PAK1: variants seen among roughly 807,000 people sequenced by gnomAD.
The protein encoded by PAK1 is serine/threonine-protein kinase PAK 1.
Under a neutral mutation model 67.4 loss-of-function variants are expected in PAK1, and 29 were observed. The observed-to-expected ratio is 0.43, with a 90% CI of 0.32 to 0.59. PAK1 has a LOEUF of 0.59. PAK1 is among the 20% of genes least tolerant of loss of function. The pLI is 0.07. For synonymous variants in PAK1, 223 were observed against 237.4 expected, an observed-to-expected ratio of 0.94 and a Z score of 0.56; for missense variants, 337 against 670.7, an observed-to-expected ratio of 0.50 and a Z score of 5.50.
intron 1 of PAK1, among the ~76,000 whole-genome samples, chr11:77,420,481 G>A (rs1205190937): frequency 1.3e-5 from 2 of 152,084 alleles, no homozygotes; most frequent in East Asian, 3.9e-4. Flanking sequence ...TCCTCCTTCA[G>A]GTGTTTCCTC....
At chr11:77,360,085 C>T (rs1017679081) in intron 5 of PAK1, among the ~76,000 whole-genome samples, 7 of 152,154 alleles carry the variant, frequency 4.6e-5, no homozygotes, top group Admixed American at 6.5e-5. Context: ...TCCTGCCTGA[C>T]ACCTGGAGCC....
upstream of PAK1, chr11:77,476,993 TA>T (rs1259367440): frequency 6.6e-6 from 1 of 151,966 alleles, no homozygotes; most frequent in African/African-American, 2.4e-5. Context: ...AAAAATAAAA[TA>T]AAAAAATAAA....
intron 1 of PAK1, among the ~76,000 whole-genome samples, chr11:77,471,450 T>C (rs1957849663): frequency 6.6e-6 from 1 of 152,128 alleles, no homozygotes; most frequent in African/African-American, 2.4e-5. Context: ...GGTATGTACA[T>C]GAGCCAGAGG....
intron 1 of PAK1, among the ~76,000 whole-genome samples, chr11:77,435,974 A>C (rs1956114141): frequency 6.6e-6 from 1 of 152,202 alleles, no homozygotes; most frequent in Non-Finnish European, 1.5e-5. Context: ...AAGAGTAAGA[A>C]GGCGCTAGAG....
At chr11:77,504,637 A>G in the PAK1 span, among the ~76,000 whole-genome samples, 1 of 152,234 alleles carries the variant, frequency 6.6e-6, no homozygotes, top group Non-Finnish European at 1.5e-5. Context: ...AAGACAAATA[A>G]TACCTTAGTA....
chr11:77,383,411 A>C (rs1429198629), intron 2 of PAK1, among the ~76,000 whole-genome samples: 1 of 144,328 alleles, frequency 6.9e-6, no homozygotes, highest in East Asian at 2.0e-4. Context: ...TGCAACCTCC[A>C]CCTCCCCGGT....
chr11:77,429,790 C>T (rs1424301139), intron 1 of PAK1, among the ~76,000 whole-genome samples: 1 of 152,090 alleles, frequency 6.6e-6, no homozygotes, highest in African/African-American at 2.4e-5. Flanking sequence ...ATTGGCAAAG[C>T]TTGAATGGGT....
rs1328534254 is a variant in PAK1 at position 77,473,637 on chromosome 11, G to A, written c.-107C>T. 2.0e-5 allele frequency: 3 copies of A among 152,760 alleles called. No homozygotes were observed. In the East Asian group the frequency reaches 5.8e-4, roughly 30 times the overall value. 9.5% of individuals were successfully genotyped at this position (152,760 alleles called of 1,614,324 possible). ...TAGCCGGGAGTGAGGGCGCGAGTGT[G>A]CGCGAGCTACCGCTTCACTTTCTCC... On this transcript the variant is annotated 5_prime_UTR_variant, in exon 1 of 15. Transcript: ENST00000356341.
chr11:77,337,270 G>A, intron 12 of PAK1, 54 bp downstream of exon 12: 1 of 867,012 alleles, frequency 1.2e-6, no homozygotes, highest in Non-Finnish European at 1.9e-6. Flanking sequence ...CATCTCACAG[G>A]AGACAGGGCC....
At chr11:77,489,199 T>C in the PAK1 span, among the ~76,000 whole-genome samples, 1 of 152,306 alleles carries the variant, frequency 6.6e-6, no homozygotes, top group South Asian at 2.1e-4. Context: ...GAATAGTATA[T>C]GCAGTGAAAA....
the PAK1 span, among the ~76,000 whole-genome samples, chr11:77,506,762 T>C: frequency 6.6e-6 from 1 of 152,126 alleles, no homozygotes; most frequent in Non-Finnish European, 1.5e-5. Context: ...ATACGATGAT[T>C]TATTAAAGTG....
intron 1 of PAK1, among the ~76,000 whole-genome samples, chr11:77,463,387 C>T (rs1430163353): frequency 6.6e-6 from 1 of 151,920 alleles, no homozygotes; most frequent in East Asian, 1.9e-4. Context: ...TTTTAACGTA[C>T]ATAAAATTAA....
At chr11:77,374,651 G>C (rs941930795) in intron 4 of PAK1, among the ~76,000 whole-genome samples, 1 of 152,154 alleles carries the variant, frequency 6.6e-6, no homozygotes, top group African/African-American at 2.4e-5. Context: ...GGTATGTTCT[G>C]TGAAATGTGT....
the PAK1 span, among the ~76,000 whole-genome samples, chr11:77,522,261 A>ATG: frequency 6.6e-6 from 1 of 152,206 alleles, no homozygotes; most frequent in Non-Finnish European, 1.5e-5. Context: ...TCCCAAGAAC[A>ATG]TGTGGTTCCT....
intron 5 of PAK1, among the ~76,000 whole-genome samples, chr11:77,371,815 C>G (rs1592025675): frequency 6.6e-6 from 1 of 152,198 alleles, no homozygotes; most frequent in Admixed American, 6.5e-5. Flanking sequence ...TAAACCAGTA[C>G]AAGTTTTTAC....
At chr11:77,510,420 G>A in the PAK1 span, among the ~76,000 whole-genome samples, 1 of 152,084 alleles carries the variant, frequency 6.6e-6, no homozygotes, top group Non-Finnish European at 1.5e-5. Context: ...TAGTAGAGAC[G>A]GGGTTTCACC....
chr11:77,361,661 T>C (rs988491727), intron 5 of PAK1, among the ~76,000 whole-genome samples: 1 of 152,156 alleles, frequency 6.6e-6, no homozygotes, highest in Admixed American at 6.6e-5. Flanking sequence ...ATTCCTATTT[T>C]ATAACAAAAT....
At chr11:77,344,185 T>C (rs1195652140) in intron 9 of PAK1, among the ~76,000 whole-genome samples, 1 of 152,224 alleles carries the variant, frequency 6.6e-6, no homozygotes, top group African/African-American at 2.4e-5. Context: ...TCAGAAGCTC[T>C]GTGATGTAAA....
intron 14 of PAK1, among the ~76,000 whole-genome samples, chr11:77,324,997 A>G (rs962830911): frequency 3.9e-5 from 6 of 152,252 alleles, no homozygotes; most frequent in African/African-American, 1.2e-4. Context: ...ATTTCTGTCT[A>G]TAAGTGTGTT....
Sources: gnomAD v4.1 joint callset for allele counts (sites outside exome capture counted in the v4.1 genomes callset) on GRCh38, gnomAD v4.1.1 for gene constraint, MANE v1.5 for transcripts, NCBI Gene and HGNC (gene_info 2026-07-23, HGNC 2026-07-21) for gene names.